CDC42BPB: variants seen among roughly 807,000 people sequenced by gnomAD.
CDC42BPB encodes serine/threonine-protein kinase MRCK beta.
In CDC42BPB, 37 loss-of-function variants were observed where a neutral mutation model predicts 214.9. The observed-to-expected ratio is 0.17, with a 90% CI of 0.13 to 0.23. The LOEUF (loss-of-function observed/expected upper bound fraction) is 0.23, where lower values mean the gene tolerates loss of function less well. Among genes scored for constraint, CDC42BPB ranks in the 10% least tolerant of loss-of-function variants. The probability of loss-of-function intolerance (pLI) is 1.00; values close to 1 mark genes in which losing one functional copy is unlikely to be tolerated. For synonymous variants in CDC42BPB, 931 were observed against 884.0 expected (o/e 1.05, Z -0.94); for missense variants, 1,694 against 2,227.0 (o/e 0.76, Z 4.82).
At chr14:103,024,234 G>A (rs192914766) in intron 1 of CDC42BPB, among the ~76,000 whole-genome samples, 10 of 152,270 alleles carry the variant, frequency 6.6e-5, no homozygotes, top group African/African-American at 1.4e-4. Context: ...TAACTGAGGC[G>A]GAAGGACAGA....
At chr14:102,947,333 G>A (rs1392938707) in intron 27 of CDC42BPB, among the ~76,000 whole-genome samples, 1 of 152,220 alleles carries the variant, frequency 6.6e-6, no homozygotes. Flanking sequence ...CACTCACTCA[G>A]TCAACAAAAA....
intron 5 of CDC42BPB, among the ~76,000 whole-genome samples, chr14:102,992,790 T>C (rs955591365): frequency 6.7e-6 from 1 of 148,280 alleles, no homozygotes; most frequent in Non-Finnish European, 1.5e-5. Context: ...AAAATATATA[T>C]ATTCAAAAAT....
chr14:103,048,043 G>A (rs935463621), intron 1 of CDC42BPB, among the ~76,000 whole-genome samples: 4 of 152,156 alleles, frequency 2.6e-5, no homozygotes, highest in African/African-American at 2.4e-5. Flanking sequence ...ACAGAGGAAA[G>A]AGACACGAAG....
In CDC42BPB at chr14:102,983,601, A is replaced by G. The variant is rs766297593; in HGVS notation, c.846T>C (p.Tyr282=). The G allele has an allele frequency of 5.6e-6, 9 of 1,611,592 alleles. No homozygotes were observed. The highest frequency in any genetic ancestry group is 7.6e-6 in the Non-Finnish European group (9 of 1,179,986). ...YEMLYGETPF[Y]AESLVETYGK... ...CATAGGTCTCCACGAGTGACTCCGCATAAAACGGCGTTTCTCCATAGAGCA... is the reference window on the plus strand; with the variant it reads ...CATAGGTCTCCACGAGTGACTCCGCGTAAAACGGCGTTTCTCCATAGAGCA... The change falls in exon 7 of 37, where the codon TAT becomes TAC. Residue 282 remains tyrosine, a synonymous_variant. Coordinates refer to ENST00000361246, the MANE Select transcript of CDC42BPB (RefSeq NM_006035.4).
chr14:102,959,296 CA>C (rs10710013), intron 21 of CDC42BPB, among the ~76,000 whole-genome samples: 113,652 of 130,664 alleles, frequency 0.87, 49,765 homozygotes, highest in Non-Finnish European at 0.97. Flanking sequence ...GACTCCGTCT[CA>C]AAAAAAAAAA....
intron 1 of CDC42BPB, among the ~76,000 whole-genome samples, chr14:103,019,819 G>A (rs1489370462): frequency 2.0e-5 from 3 of 152,172 alleles, no homozygotes; most frequent in Non-Finnish European, 4.4e-5. Flanking sequence ...GAAAACAATG[G>A]ATTAATCAAT....
At position 102,971,959 on chromosome 14, in the gene CDC42BPB, A is replaced by G; in HGVS notation, c.1844T>C (p.Met615Thr). The change falls in exon 13 of 37, where the codon ATG (methionine) becomes ACG (threonine). Residue 615 changes from methionine to threonine, a missense_variant. Transcript: ENST00000361246. Reference protein sequence around the residue: ...MEVATQKVDAMRQEMRRAEKL... With the variant: ...MEVATQKVDATRQEMRRAEKL... ...CTCAGCTCTCCGCATTTCCTGCCGC[A>G]TGGCGTCCACCTTCTGCGTGGCCAC... The G allele has an allele frequency of 6.2e-7, 1 of 1,614,220 alleles. No homozygotes were observed. The highest frequency in any genetic ancestry group is 8.5e-7 in the Non-Finnish European group (1 of 1,180,046).
At chr14:102,941,736 T>C (rs568803677) in intron 30 of CDC42BPB, among the ~76,000 whole-genome samples, 3 of 152,340 alleles carry the variant, frequency 2.0e-5, no homozygotes, top group Admixed American at 2.0e-4. Flanking sequence ...AGATGTGACA[T>C]GTGACTGATA....
intron 13 of CDC42BPB, 122 bp downstream of exon 13, chr14:102,971,797 C>A (rs1378735766): frequency 2.1e-6 from 2 of 945,320 alleles, no homozygotes; most frequent in Non-Finnish European, 3.2e-6. Flanking sequence ...GATCAACTTA[C>A]TTGGCTCCAC....
rs1259519203 is a variant in CDC42BPB at position 102,970,217 on chromosome 14, C to T, written c.1929G>A (p.Glu643=). The T allele has an allele frequency of 6.8e-6, 11 of 1,613,874 alleles. No individual in the cohort carries two copies. Among genetic ancestry groups the T allele is most frequent in the East Asian group, 2.2e-5 (1 of 44,872 alleles). ...LDDAVAEASK[E]RKLREHSENF... is the part of the protein sequence containing the mutation. ...TCTCGCTGTGCTCACGAAGCTTGCG[C>T]TCCTTGGAGGCCTCAGCAACAGCAT... The change falls in exon 14 of 37, where the codon GAG becomes GAA. Residue 643 remains glutamate, a synonymous_variant. Transcript: ENST00000361246.
chr14:102,996,863 T>C lies in CDC42BPB; in HGVS notation c.596+2702A>G, dbSNP rs550402707. Among the ~76,000 whole-genome samples the C allele has an allele frequency of 8.6e-4, 129 of 149,216 alleles. 1 individual carries two copies. Among genetic ancestry groups the C allele is most frequent in the Admixed American group, 5.7e-3 (85 of 15,018 alleles). ...TAATTTATAAAAGCAAGCATAACTA[T>C]GTTAAGAAATGTATTTTTTAAAAAG... On this transcript the variant is annotated intron_variant, in intron 5 of 36. Transcript: ENST00000361246.
rs758315719 is a variant in CDC42BPB, at chr14:102,950,495, T to G, written c.3280A>C (p.Ile1094Leu). 2.5e-6 allele frequency: 4 copies of G among 1,613,244 alleles called. No homozygotes were observed. The highest frequency in any genetic ancestry group is 3.4e-6 in the Non-Finnish European group (4 of 1,179,958). Reference sequence around the variant, plus strand: ...ACATGGCCTTTGTAGGCTGTTCCGATGCCTCGCTGCACGTCCACGCCCAGA... The same window carrying G: ...ACATGGCCTTTGTAGGCTGTTCCGAGGCCTCGCTGCACGTCCACGCCCAGA... ...RPLGVDVQRG[I>L]GTAYKGHVKV... Residue 1094 changes from isoleucine to leucine, a missense_variant, in exon 25 of 37, where the codon ATC becomes CTC. Ile to Leu is a conservative substitution (Grantham distance 5, BLOSUM62 2). Transcript: ENST00000361246.
intron 1 of CDC42BPB, among the ~76,000 whole-genome samples, chr14:103,027,461 G>A (rs191724503): frequency 1.3e-5 from 2 of 152,312 alleles, no homozygotes; most frequent in Admixed American, 6.5e-5. Flanking sequence ...GTCAAAAAGT[G>A]AAAACCGAAA....
At chr14:102,993,040 G>C (rs1456032707) in intron 5 of CDC42BPB, among the ~76,000 whole-genome samples, 1 of 151,986 alleles carries the variant, frequency 6.6e-6, no homozygotes, top group African/African-American at 2.4e-5. Context: ...ATGTTGGCCA[G>C]GCTGGTCTTG....
Position 102,974,341 on chromosome 14 carries a change from T to C in CDC42BPB, c.1508-192A>G, listed in dbSNP as rs904741391. On this transcript the variant is annotated intron_variant, in intron 11 of 36. Transcript: ENST00000361246. The stretch of plus-strand genomic sequence containing the variant: ...ACACAGTGTCATAGGCACAGCTACC[T>C]GCATGCCTGTGCTGAACAGGCTCCC... 5.1e-6 allele frequency: 5 copies of C among 982,474 alleles called. No individual in the cohort carries two copies. In the Admixed American group the frequency reaches 2.5e-4, roughly 49 times the overall value. 60.9% of individuals were successfully genotyped at this position (982,474 alleles called of 1,614,324 possible).
intron 5 of CDC42BPB, among the ~76,000 whole-genome samples, chr14:102,992,480 C>T (rs901311216): frequency 5.3e-5 from 8 of 152,182 alleles, no homozygotes; most frequent in Non-Finnish European, 1.2e-4. Flanking sequence ...GTGCTCCTCT[C>T]GTTACGGAAG....
chr14:102,972,328 T>C, intron 12 of CDC42BPB, 167 bp from the exon 13 acceptor site: 1 of 985,378 alleles, frequency 1.0e-6, no homozygotes, highest in South Asian at 4.7e-5. Flanking sequence ...CTCTGTCTCG[T>C]GCCAGCCACA....
intron 4 of CDC42BPB, among the ~76,000 whole-genome samples, chr14:103,003,353 G>A (rs1326589533): frequency 2.0e-5 from 3 of 152,248 alleles, no homozygotes; most frequent in African/African-American, 4.8e-5. Context: ...TTAGAGTGCC[G>A]TGGAGGCGAA....
intron 5 of CDC42BPB, 188 bp from the exon 6 acceptor site, chr14:102,986,768 C>T: frequency 1.0e-6 from 1 of 981,350 alleles, no homozygotes; most frequent in Non-Finnish European, 1.2e-6. Context: ...GTATCACTGC[C>T]CCTCGTTTAG....
Sources: allele counts gnomAD v4.1 joint callset (sites outside exome capture counted in the v4.1 genomes callset), GRCh38; gene constraint gnomAD v4.1.1; transcripts MANE v1.5; gene names NCBI Gene and HGNC (gene_info 2026-07-23, HGNC 2026-07-21).